STAU2: variants seen among roughly 807,000 people sequenced by gnomAD.
The protein encoded by STAU2 is staufen double-stranded RNA binding protein 2.
A neutral mutation model predicts 65.9 loss-of-function variants in STAU2; 20 were observed. The observed-to-expected ratio is 0.30, with a 90% CI of 0.21 to 0.44. The LOEUF (loss-of-function observed/expected upper bound fraction) is 0.44. Ranked by LOEUF, STAU2 falls within the 20% of genes least tolerant of loss-of-function variation. STAU2 has a pLI of 1.00. For missense variants in STAU2, 558 were observed against 683.9 expected (o/e 0.82, Z 2.05); for synonymous variants, 232 against 233.9 (o/e 0.99, Z 0.07).
At chr8:73,622,177 A>G (rs10088238) in intron 6 of STAU2, among the ~76,000 whole-genome samples, 56,822 of 73,998 alleles carry the variant, frequency 0.77, 21,676 homozygotes, top group Non-Finnish European at 0.8. Context: ...CCAGGCTGGA[A>G]TGCAGTGGCG....
intron 6 of STAU2, chr8:73,672,448 G>T (rs190708435): frequency 2.6e-5 from 4 of 152,174 alleles, no homozygotes; most frequent in Admixed American, 2.6e-4. Flanking sequence ...TATGTAAAAA[G>T]TCATCAAATA....
At chr8:73,737,910 A>C (rs565626404) in intron 3 of STAU2, among the ~76,000 whole-genome samples, 1 of 152,254 alleles carries the variant, frequency 6.6e-6, no homozygotes, top group East Asian at 1.9e-4. Context: ...AAAAAAAAAA[A>C]AAAACAGATA....
chr8:73,503,895 G>A (rs993056541), intron 13 of STAU2, among the ~76,000 whole-genome samples: 2 of 151,962 alleles, frequency 1.3e-5, no homozygotes, highest in East Asian at 3.9e-4. Flanking sequence ...CCAACCTTAG[G>A]GAGGGACTCA....
intron 9 of STAU2, among the ~76,000 whole-genome samples, chr8:73,612,635 C>G (rs1433461318): frequency 6.6e-6 from 1 of 152,024 alleles, no homozygotes; most frequent in Non-Finnish European, 1.5e-5. Context: ...TGTCAGTATT[C>G]ATTAAAAACA....
chr8:73,483,280 C>T (rs779637036), intron 13 of STAU2, among the ~76,000 whole-genome samples: 1 of 152,046 alleles, frequency 6.6e-6, no homozygotes, highest in Non-Finnish European at 1.5e-5. Flanking sequence ...TCCACAAGAA[C>T]TTAAAGAAAT....
intron 2 of STAU2, 132 bp from the exon 3 acceptor site, chr8:73,738,481 G>A (rs1234878800): frequency 1.5e-6 from 1 of 674,140 alleles, no homozygotes; most frequent in Admixed American, 3.6e-5. Flanking sequence ...AACTTTCTAT[G>A]ATGATAAAAA....
intron 6 of STAU2, among the ~76,000 whole-genome samples, chr8:73,638,500 C>CTT (rs576967652): frequency 7.5e-6 from 1 of 133,710 alleles, no homozygotes. Context: ...TTGAAATATT[C>CTT]TTTTTTTTTT....
chr8:73,619,230 C>T (rs1177795320), intron 6 of STAU2, among the ~76,000 whole-genome samples: 2 of 151,968 alleles, frequency 1.3e-5, no homozygotes, highest in Non-Finnish European at 2.9e-5. Context: ...AAAAGTCTAT[C>T]AAGGAGAAGG....
chr8:73,593,496 T>G (rs1810968640), intron 11 of STAU2, among the ~76,000 whole-genome samples: 1 of 152,214 alleles, frequency 6.6e-6, no homozygotes, highest in African/African-American at 2.4e-5. Flanking sequence ...ATTTTAAGTG[T>G]CTGGCATTTA....
At chr8:73,468,751 T>C (rs1216578983) in intron 13 of STAU2, among the ~76,000 whole-genome samples, 1 of 152,032 alleles carries the variant, frequency 6.6e-6, no homozygotes, top group African/African-American at 2.4e-5. Flanking sequence ...AAAACCACAA[T>C]GAGATACCAC....
At chr8:73,634,287 G>A (rs1403917931) in intron 6 of STAU2, among the ~76,000 whole-genome samples, 1 of 151,750 alleles carries the variant, frequency 6.6e-6, no homozygotes, top group Non-Finnish European at 1.5e-5. Flanking sequence ...CTCAAAACCT[G>A]CGTTGGCCGG....
chr8:73,487,798 A>G (rs989584203), intron 13 of STAU2, among the ~76,000 whole-genome samples: 1 of 152,116 alleles, frequency 6.6e-6, no homozygotes, highest in Non-Finnish European at 1.5e-5. Flanking sequence ...AAAATTTGGG[A>G]TCCAAGAAAG....
intron 9 of STAU2, among the ~76,000 whole-genome samples, chr8:73,609,018 C>T (rs1431752489): frequency 1.3e-5 from 2 of 152,038 alleles, no homozygotes; most frequent in Admixed American, 6.6e-5. Flanking sequence ...CCAGCAGTTT[C>T]AGCAGCTGGA....
At chr8:73,591,901 A>AAAAAAC (rs1810824372) in intron 11 of STAU2, among the ~76,000 whole-genome samples, 2 of 142,072 alleles carry the variant, frequency 1.4e-5, no homozygotes, top group Non-Finnish European at 3.1e-5. Context: ...AAAAAAAAAA[A>AAAAAAC]AAAAAAAAAA....
Position 73,673,207 on chromosome 8 carries a change from C to T in STAU2, c.310G>A (p.Ala104Thr). 1 of 1,601,944 alleles carries T rather than the reference C, an allele frequency of 6.2e-7. No individual in the cohort carries two copies. Among genetic ancestry groups the T allele is most frequent in the Non-Finnish European group, 8.5e-7 (1 of 1,173,874 alleles). The change falls in exon 6 of 15, where the codon GCT (alanine) becomes ACT (threonine). Residue 104 changes from alanine (A) to threonine (T), a missense_variant. By Grantham distance (58) the Ala-to-Thr change is moderately conservative. Coordinates refer to ENST00000524300, the MANE Select transcript of STAU2 (RefSeq NM_001164380.2). ...ATGGCAGGCTCTCCCCTTTTCATAG[C>T]AAGCCCATTCAGTTCCACAGTTGGA... ...ITPTVELNGL[A>T]MKRGEPAIYR...
intron 1 of STAU2, among the ~76,000 whole-genome samples, chr8:73,741,634 T>A (rs1458158129): frequency 6.6e-6 from 1 of 151,816 alleles, no homozygotes; most frequent in Admixed American, 6.6e-5. Flanking sequence ...TGCCTCAGAC[T>A]CCCCAGTAGC....
intron 6 of STAU2, among the ~76,000 whole-genome samples, chr8:73,667,249 A>G (rs1817304673): frequency 6.6e-6 from 1 of 152,072 alleles, no homozygotes; most frequent in African/African-American, 2.4e-5. Flanking sequence ...AAGTTTTAGG[A>G]ATATTGCCAA....
chr8:73,738,246 A>C, intron 3 of STAU2, 38 bp downstream of exon 3: 1 of 1,545,442 alleles, frequency 6.5e-7, no homozygotes, highest in Non-Finnish European at 8.9e-7. Context: ...CAGCCAAAGC[A>C]CCATGTAAGC....
intron 9 of STAU2, among the ~76,000 whole-genome samples, chr8:73,605,344 T>C (rs778073338): frequency 5.4e-5 from 8 of 146,854 alleles, no homozygotes; most frequent in Non-Finnish European, 1.0e-4. Flanking sequence ...AGTCTCACTC[T>C]GTTGCCCAGG....
Sources: gnomAD v4.1 joint callset for allele counts (sites outside exome capture counted in the v4.1 genomes callset) on GRCh38, gnomAD v4.1.1 for gene constraint, MANE v1.5 for transcripts, NCBI Gene and HGNC (gene_info 2026-07-23, HGNC 2026-07-21) for gene names.